The following CEP250 variants were observed in gnomAD, a reference collection of about 807,000 sequenced individuals.
The protein encoded by CEP250 is centrosome-associated protein CEP250.
Under a neutral mutation model 315.7 loss-of-function variants are expected in CEP250, and 242 were observed. The ratio of observed to expected loss-of-function variants is 0.77; its 90% confidence interval spans 0.69 to 0.85. The LOEUF is 0.85. Among genes scored for constraint, CEP250 ranks in the 40% least tolerant of loss-of-function variants. The probability of loss-of-function intolerance (pLI) is 0.00; values close to 1 mark genes in which losing one functional copy is unlikely to be tolerated. For synonymous variants in CEP250, 1,088 were observed against 1,175.0 expected, an observed-to-expected ratio of 0.93 and a Z score of 1.51; for missense variants, 2,515 against 2,886.4, an observed-to-expected ratio of 0.87 and a Z score of 2.95.
intron 21 of CEP250, 119 bp from the exon 22 acceptor site, chr20:35,491,093 C>T: frequency 7.9e-7 from 1 of 1,260,262 alleles, no homozygotes; most frequent in Non-Finnish European, 1.1e-6. Context: ...CCTTCCTTTG[C>T]CCTCAGCCCC....
intron 1 of CEP250, among the ~76,000 whole-genome samples, chr20:35,457,591 G>C (rs866068140): frequency 1.3e-5 from 2 of 152,006 alleles, no homozygotes; most frequent in South Asian, 2.1e-4. Flanking sequence ...TTGAACTCCT[G>C]GCCTCAAGAG....
At chr20:35,505,213 G>A (rs1306244154) in intron 30 of CEP250, among the ~76,000 whole-genome samples, 1 of 152,228 alleles carries the variant, frequency 6.6e-6, no homozygotes, top group Middle Eastern at 3.2e-3. Context: ...CCCTCACAGA[G>A]TTCACAGTCT....
Position 35,504,139 on chromosome 20 carries a change from C to A in CEP250, c.5770C>A (p.Leu1924Met), listed in dbSNP as rs376093093. The change falls in exon 30 of 35, where the codon CTG becomes ATG. Residue 1924 changes from leucine (L) to methionine (M), a missense_variant. Leu to Met is a conservative substitution (Grantham distance 15). Transcript: ENST00000397527. ...AQEHEVETRALQDSWLQAQAV... is the reference protein window; with the variant it reads ...AQEHEVETRAMQDSWLQAQAV... ...GGAGCATGAGGTGGAGACCAGGGCC[C>A]TGCAGGACAGCTGGCTGCAGGCCCA... The A allele has an allele frequency of 8.7e-6, 14 of 1,614,068 alleles. No individual in the cohort carries two copies. In the East Asian group the frequency reaches 2.5e-4, roughly 28 times the overall value.
Position 35,509,983 on chromosome 20 carries a change from G to T in CEP250, c.7009-15G>T, listed in dbSNP as rs774812838. The T allele has an allele frequency of 2.4e-5, 39 of 1,613,538 alleles. No individual in the cohort carries two copies. In the African/African-American group the frequency reaches 4.5e-4, roughly 19 times the overall value. ...GAAGGCCTATGCCAACAAGAGTGCTGTTTGTCTTCCTTAGGATGGGAGAGG... is the reference window on the plus strand; with the variant it reads ...GAAGGCCTATGCCAACAAGAGTGCTTTTTGTCTTCCTTAGGATGGGAGAGG... On this transcript the variant is annotated splice_polypyrimidine_tract_variant and intron_variant, in intron 33 of 34. Transcript: ENST00000397527.
At position 35,503,620 on chromosome 20, in the gene CEP250, C is replaced by A. The variant is rs1345163124; in HGVS notation, c.5251C>A (p.Leu1751Ile). Residue 1751 changes from leucine (L) to isoleucine (I), a missense_variant, in exon 30 of 35, where the codon CTC becomes ATC. Physicochemically the swap from Leu to Ile is conservative, Grantham distance 5 (BLOSUM62 2). Coordinates refer to ENST00000397527, the MANE Select transcript of CEP250 (RefSeq NM_007186.6). This position sits in a 1 kb window ranked among gnomAD's most constrained non-coding sequence, Gnocchi z 4.2. ...GGAGCATATCCATGAACTCCAGGAG[C>A]TCAAAGACCAGCTGGAGCAGCAGCT... ...QQEHIHELQE[L>I]KDQLEQQLQG... is the part of the protein sequence containing the mutation. 6.2e-6 allele frequency: 10 copies of A among 1,613,956 alleles called. No individual in the cohort carries two copies. Among genetic ancestry groups the A allele is most frequent in the Non-Finnish European group, 8.5e-6 (10 of 1,180,008 alleles).
intron 25 of CEP250, 138 bp downstream of exon 25, chr20:35,496,853 A>C (rs1601270501): frequency 1.1e-6 from 1 of 896,120 alleles, no homozygotes; most frequent in Non-Finnish European, 1.6e-6. Flanking sequence ...GTGCCTCAAC[A>C]CCCCTACAGG....
In CEP250 at chr20:35,472,807, G is replaced by A. The variant is rs553053669; in HGVS notation, c.1185G>A (p.Leu395=). Residue 395 remains leucine, a synonymous_variant, in exon 12 of 35, where the codon CTG becomes CTA. Coordinates refer to ENST00000397527, the MANE Select transcript of CEP250 (RefSeq NM_007186.6). ...DKALTLVRSV[L]TRRRQAVQDL... ...CTCTTACTCTGGTGCGTTCAGTGCTGACTCGGAGACGCCAGGCTGTGCAGG... is the reference window on the plus strand; with the variant it reads ...CTCTTACTCTGGTGCGTTCAGTGCTAACTCGGAGACGCCAGGCTGTGCAGG... The A allele has an allele frequency of 3.7e-6, 6 of 1,614,158 alleles. No individual in the cohort carries two copies. The African/African-American group carries it at 8.0e-5, about 22-fold the overall frequency.
chr20:35,477,899 G>A lies in CEP250; in HGVS notation c.1892G>A (p.Ser631Asn). 1.3e-6 allele frequency: 2 copies of A among 1,594,292 alleles called. No homozygotes were observed. The highest frequency in any genetic ancestry group is 1.7e-6 in the Non-Finnish European group (2 of 1,170,536). ...GAGGAGGAGAACCAGTCTGTGTGCA[G>A]CAGAATGGAGGCCGCAGAGCAGGCG... The part of the protein sequence containing the change: ...QLEEENQSVC[S>N]RMEAAEQARN... Residue 631 changes from serine (S) to asparagine (N), a missense_variant, in exon 17 of 35, where the codon AGC becomes AAC. Ser to Asn is a conservative substitution (Grantham distance 46, BLOSUM62 1). Transcript: ENST00000397527.
At position 35,511,776 on chromosome 20, in the gene CEP250, C is replaced by G; in HGVS notation, c.*150C>G. 1 of 1,424,370 alleles carries G rather than the reference C, an allele frequency of 7.0e-7. No individual in the cohort carries two copies. 88.2% of individuals were successfully genotyped at this position (1,424,370 alleles called of 1,614,324 possible). The stretch of plus-strand genomic sequence containing the variant: ...GTGTTCCCAGGAAGAGGAAGTAAAT[C>G]TGCAACCCTGGGGAGGACCCCAACT... On this transcript the variant is annotated 3_prime_UTR_variant, in exon 35 of 35. Coordinates refer to ENST00000397527, the MANE Select transcript of CEP250 (RefSeq NM_007186.6).
chr20:35,512,475 C>G lies in CEP250; in HGVS notation c.*849C>G, dbSNP rs1292099655. 1 of 152,246 alleles carries G rather than the reference C, an allele frequency of 6.6e-6. No individual in the cohort carries two copies. The highest frequency in any genetic ancestry group is 1.9e-4 in the East Asian group (1 of 5,202). 9.4% of individuals were successfully genotyped at this position (152,246 alleles called of 1,614,324 possible). A position where few individuals can be genotyped will look rare whatever the true frequency, so the allele number is the denominator to read the frequency against. On this transcript the variant is annotated 3_prime_UTR_variant, in exon 35 of 35. Transcript: ENST00000397527. ...TGAGTTCAGAAGCTCCACATGGCCT[C>G]ATTCCTCTTCTACTCTGGGTGAATG...
chr20:35,457,064 G>A lies in CEP250; in HGVS notation c.-297-1240G>A, dbSNP rs532756552. Reference sequence around the variant, plus strand: ...CCCAAAGTGCTGGGATTACAGTTGTGAGCCACCACACCCAGCCTGTTTTTT... The same window carrying A: ...CCCAAAGTGCTGGGATTACAGTTGTAAGCCACCACACCCAGCCTGTTTTTT... On this transcript the variant is annotated intron_variant, in intron 1 of 34. Coordinates refer to ENST00000397527, the MANE Select transcript of CEP250 (RefSeq NM_007186.6). 1.1e-3 allele frequency among the ~76,000 whole-genome samples: 172 copies of A among 152,182 alleles called. 5 individuals carry two copies. The highest frequency in any genetic ancestry group is 1.0e-3 in the South Asian group (5 of 4,822).
intron 5 of CEP250, among the ~76,000 whole-genome samples, chr20:35,464,341 C>T (rs1258216131): frequency 1.3e-5 from 2 of 152,134 alleles, no homozygotes. Context: ...GTCCTACTTA[C>T]TCTGTCGCCC....
intron 20 of CEP250, among the ~76,000 whole-genome samples, chr20:35,490,150 TAAAAATAC>T (rs1403695130): frequency 6.6e-6 from 1 of 151,940 alleles, no homozygotes; most frequent in Non-Finnish European, 1.5e-5. Context: ...CCATCTCTAC[TAAAAATAC>T]AAAAATTAGC....
intron 3 of CEP250, among the ~76,000 whole-genome samples, chr20:35,461,274 TTG>T (rs2062749013): frequency 6.6e-6 from 1 of 152,188 alleles, no homozygotes; most frequent in African/African-American, 2.4e-5. Context: ...TATGGGATAA[TTG>T]TGTGTTTTAG....
At chr20:35,509,353 T>G (rs1477752686) in intron 33 of CEP250, among the ~76,000 whole-genome samples, 14 of 152,004 alleles carry the variant, frequency 9.2e-5, no homozygotes, top group Admixed American at 9.2e-4. Context: ...GGATCCCTGG[T>G]GTATGGGGGT....
intron 20 of CEP250, 103 bp downstream of exon 20, chr20:35,480,248 C>A: frequency 2.4e-6 from 3 of 1,251,158 alleles, no homozygotes; most frequent in Non-Finnish European, 3.3e-6. Flanking sequence ...ATTTTGTAAC[C>A]AAGCTGTAAA....
intron 30 of CEP250, 95 bp from the exon 31 acceptor site, chr20:35,507,643 G>A (rs1798541759): frequency 1.1e-6 from 1 of 923,324 alleles, no homozygotes; most frequent in Admixed American, 2.1e-5. Context: ...ACAAAAGCCT[G>A]AGGAGAACAT....
At chr20:35,496,817 A>G (rs749518857) in intron 25 of CEP250, 102 bp downstream of exon 25, 6 of 1,268,414 alleles carry the variant, frequency 4.7e-6, no homozygotes, top group Non-Finnish European at 5.3e-6. Context: ...GGACCCATCT[A>G]TTTTTCCTGA....
chr20:35,516,766 CAG>C lies in CEP250; in HGVS notation c.*5143_*5144del, dbSNP rs1430070427. The C allele has an allele frequency of 2.0e-5, 3 of 153,776 alleles. No homozygotes were observed. The highest frequency in any genetic ancestry group is 4.8e-5 in the African/African-American group (2 of 41,484). The allele number at this position is 153,776 out of a possible 1,614,324, so 9.5% of individuals were successfully genotyped here. On this transcript the variant is annotated 3_prime_UTR_variant, in exon 35 of 35. Transcript: ENST00000397527. ...CTCAGTGAGGCCAGGGAGAGTCAAA[CAG>C]AGCATCTTGGACAAAGAGAGGGCTT...
Sources: gnomAD v4.1 joint callset for allele counts (sites outside exome capture counted in the v4.1 genomes callset) on GRCh38, gnomAD v4.1.1 for gene constraint, Gnocchi (gnomAD v3.1) non-coding constraint, MANE v1.5 for transcripts, NCBI Gene and HGNC (gene_info 2026-07-23, HGNC 2026-07-21) for gene names.